The following LMCD1 variants were observed in gnomAD, a reference collection of about 807,000 sequenced individuals.
The protein encoded by LMCD1 is LIM and cysteine-rich domains protein 1.
LMCD1 carries 32 observed loss-of-function variants against 42.7 expected under a neutral mutation model. That is an observed-to-expected ratio of 0.75 (90% confidence interval 0.57 to 1.01). LMCD1 has a LOEUF of 1.01. Among genes scored for constraint, LMCD1 ranks in the 50% least tolerant of loss-of-function variants. LMCD1 has a pLI of 0.00. For synonymous variants in LMCD1, 178 were observed against 184.9 expected (o/e 0.96, Z 0.30); for missense variants, 458 against 483.1 (o/e 0.95, Z 0.49).
chr3:8,509,451 A>G (rs1044297552), intron 1 of LMCD1, among the ~76,000 whole-genome samples: 7 of 152,192 alleles, frequency 4.6e-5, no homozygotes, highest in African/African-American at 1.7e-4. Context: ...TGTCTTGCTT[A>G]TAAGATAGGG....
chr3:8,567,690 C>A lies in LMCD1; in HGVS notation c.*92C>A, dbSNP rs2125042233. The stretch of plus-strand genomic sequence containing the variant: ...CCATCCTAAGGGTCCGATGTGACAG[C>A]AAGCAAGTGAAATAAACAATGATTT... On this transcript the variant is annotated 3_prime_UTR_variant, in exon 6 of 6. Coordinates refer to ENST00000157600, the MANE Select transcript of LMCD1 (RefSeq NM_014583.4). 1 of 1,222,796 alleles carries A rather than the reference C, an allele frequency of 8.2e-7. No individual in the cohort carries two copies. The highest frequency in any genetic ancestry group is 1.1e-6 in the Non-Finnish European group (1 of 872,586). The allele number at this position is 1,222,796 out of a possible 1,614,324, so 75.7% of individuals were successfully genotyped here. A position where few individuals can be genotyped will look rare whatever the true frequency, so the allele number is the denominator to read the frequency against.
intron 4 of LMCD1, among the ~76,000 whole-genome samples, chr3:8,560,322 C>T (rs1054033238): frequency 6.6e-5 from 10 of 152,164 alleles, no homozygotes; most frequent in African/African-American, 2.2e-4. Context: ...AACCCATAAC[C>T]TGGGTTCAAA....
intron 1 of LMCD1, chr3:8,514,890 C>T: frequency 2.2e-6 from 1 of 454,782 alleles, no homozygotes; most frequent in South Asian, 1.6e-5. Context: ...AGGGAACTTT[C>T]TGGGCCACTG....
intron 4 of LMCD1, among the ~76,000 whole-genome samples, chr3:8,556,648 G>A (rs574566656): frequency 5.9e-5 from 9 of 152,252 alleles, no homozygotes; most frequent in Admixed American, 1.3e-4. Context: ...GGGCAAAGCC[G>A]TTGCAATTGG....
intron 1 of LMCD1, among the ~76,000 whole-genome samples, chr3:8,522,116 G>C (rs1266645211): frequency 6.6e-6 from 1 of 152,152 alleles, no homozygotes; most frequent in Non-Finnish European, 1.5e-5. Flanking sequence ...GCAGGAGCAA[G>C]GTCTTAAACA....
intron 1 of LMCD1, among the ~76,000 whole-genome samples, chr3:8,532,420 A>G (rs1694429271): frequency 6.6e-6 from 1 of 152,068 alleles, no homozygotes; most frequent in African/African-American, 2.4e-5. Context: ...GATGGAATAG[A>G]TAGATGGTCA....
chr3:8,549,415 G>A (rs1694799377), intron 4 of LMCD1, among the ~76,000 whole-genome samples: 1 of 152,164 alleles, frequency 6.6e-6, no homozygotes. Flanking sequence ...GAGGGCAGCA[G>A]AGGCTGGATT....
Position 8,565,456 on chromosome 3 carries a change from G to A in LMCD1, c.748G>A (p.Ala250Thr). ...GGTCTGCGAGCTCTGCAAGGGAGCG[G>A]CCCCTCCTGACAGCCCCGTGGTCTA... ...EYVCELCKGA[A>T]PPDSPVVYSD... The change falls in exon 5 of 6, where the codon GCC becomes ACC. Residue 250 changes from alanine (A) to threonine (T), a missense_variant. Physicochemically the swap from Ala to Thr is moderately conservative, Grantham distance 58 (BLOSUM62 0). Coordinates refer to ENST00000157600, the MANE Select transcript of LMCD1 (RefSeq NM_014583.4). The A allele has an allele frequency of 6.2e-7, 1 of 1,614,134 alleles. No homozygotes were observed. The highest frequency in any genetic ancestry group is 1.1e-5 in the South Asian group (1 of 91,082).
chr3:8,505,918 C>T (rs1693871049), intron 1 of LMCD1, among the ~76,000 whole-genome samples: 1 of 152,228 alleles, frequency 6.6e-6, no homozygotes, highest in African/African-American at 2.4e-5. Context: ...CTCTCTCAAT[C>T]TTAAAAACAT....
intron 4 of LMCD1, among the ~76,000 whole-genome samples, chr3:8,553,619 C>T (rs564131448): frequency 3.3e-5 from 5 of 152,300 alleles, no homozygotes; most frequent in East Asian, 1.9e-4. Flanking sequence ...ACTGACGAGA[C>T]GGGGCCACCT....
chr3:8,527,289 A>G (rs1694318850), intron 1 of LMCD1, among the ~76,000 whole-genome samples: 1 of 152,148 alleles, frequency 6.6e-6, no homozygotes, highest in Non-Finnish European at 1.5e-5. Context: ...CCCCACCACC[A>G]CTGCCTTCAA....
At chr3:8,525,801 A>T (rs1379358073) in intron 1 of LMCD1, among the ~76,000 whole-genome samples, 2 of 152,200 alleles carry the variant, frequency 1.3e-5, no homozygotes, top group Non-Finnish European at 2.9e-5. Context: ...AACTTGTCTG[A>T]ACATTGGCAT....
chr3:8,518,426 G>A (rs140283862), intron 1 of LMCD1, among the ~76,000 whole-genome samples: 1 of 152,318 alleles, frequency 6.6e-6, no homozygotes, highest in Admixed American at 6.5e-5. Flanking sequence ...TGTCCCATCA[G>A]AGGGTCATCT....
At chr3:8,557,123 C>G (rs950667458) in intron 4 of LMCD1, among the ~76,000 whole-genome samples, 1 of 152,194 alleles carries the variant, frequency 6.6e-6, no homozygotes, top group African/African-American at 2.4e-5. Context: ...AAACCGTTGC[C>G]TACCCACCCT....
At chr3:8,502,355 ATATAT>A (rs1693763525) in intron 1 of LMCD1, among the ~76,000 whole-genome samples, 1 of 73,108 alleles carries the variant, frequency 1.4e-5, no homozygotes, top group Non-Finnish European at 2.4e-5. Flanking sequence ...AAAATATATA[ATATAT>A]ATTATATAAA....
chr3:8,510,368 A>C (rs1248937273), intron 1 of LMCD1, among the ~76,000 whole-genome samples: 2 of 152,198 alleles, frequency 1.3e-5, no homozygotes, highest in Non-Finnish European at 2.9e-5. Flanking sequence ...AGAGGTCAGC[A>C]TCTGGGGGCT....
chr3:8,539,825 A>AT (rs1694586461), intron 3 of LMCD1, among the ~76,000 whole-genome samples: 2 of 147,304 alleles, frequency 1.4e-5, no homozygotes, highest in Non-Finnish European at 3.0e-5. Flanking sequence ...TATTATTATT[A>AT]TTATTATTAT....
rs942333441 is a variant in LMCD1 at position 8,573,550 on chromosome 3, C to T, written c.*5952C>T. The T allele has an allele frequency of 7.2e-5, 11 of 152,210 alleles. No homozygotes were observed. Among genetic ancestry groups the T allele is most frequent in the Non-Finnish European group, 1.3e-4 (9 of 68,042 alleles). The allele number at this position is 152,210 out of a possible 1,614,324, so 9.4% of individuals were successfully genotyped here. On this transcript the variant is annotated 3_prime_UTR_variant, in exon 6 of 6. Transcript: ENST00000157600. ...CATGAAAGATGAAACTATGCAATGG[C>T]ATGGCTGTTGGTCATTCACATCTCT... is the stretch of plus-strand genomic sequence containing the variant.
intron 4 of LMCD1, chr3:8,550,052 G>A: frequency 6.7e-7 from 1 of 1,484,586 alleles, no homozygotes. Flanking sequence ...CAACCCATAG[G>A]AAGTGGCAGT....
Sources: allele counts gnomAD v4.1 joint callset (sites outside exome capture counted in the v4.1 genomes callset), GRCh38; gene constraint gnomAD v4.1.1; transcripts MANE v1.5; gene names NCBI Gene and HGNC (gene_info 2026-07-23, HGNC 2026-07-21).